FYCO1: variants seen among roughly 807,000 people sequenced by gnomAD.
FYCO1 encodes the protein FYVE and coiled-coil domain autophagy adaptor 1.
FYCO1 carries 122 observed loss-of-function variants against 165.1 expected under a neutral mutation model. That is an observed-to-expected ratio of 0.74 (90% CI 0.64 to 0.86). The LOEUF is 0.86. Among genes scored for constraint, FYCO1 ranks in the 40% least tolerant of loss-of-function variants. The probability of loss-of-function intolerance (pLI) is 0.00; values close to 1 mark genes in which losing one functional copy is unlikely to be tolerated. For synonymous variants in FYCO1, 648 were observed against 742.5 expected (o/e 0.87, Z 2.07); for missense variants, 1,702 against 1,810.3 (o/e 0.94, Z 1.09).
chr3:45,923,904 C>G (rs1229443551), intron 16 of FYCO1, 139 bp from the exon 17 acceptor site: 1 of 702,978 alleles, frequency 1.4e-6, no homozygotes, highest in Admixed American at 2.0e-5. Context: ...GGAGCTGTGA[C>G]CAGCCCCAGT....
At chr3:45,984,447 G>C in intron 2 of FYCO1, 1 of 353,442 alleles carries the variant, frequency 2.8e-6, no homozygotes, top group Non-Finnish European at 5.5e-6. Context: ...AGCAAAACAA[G>C]ATAGGTGGGT....
At chr3:45,994,895 AT>A (rs71619620) in intron 1 of FYCO1, among the ~76,000 whole-genome samples, 109 of 151,418 alleles carry the variant, frequency 7.2e-4, no homozygotes, top group African/African-American at 2.6e-3. Context: ...CAAGTGTTCT[AT>A]TTTTTTTTCT....
chr3:45,935,566 C>T (rs542466203), intron 15 of FYCO1, among the ~76,000 whole-genome samples: 8 of 152,282 alleles, frequency 5.3e-5, no homozygotes, highest in East Asian at 1.9e-4. Context: ...ATGCTATACC[C>T]GCAGATAGAT....
At chr3:45,986,002 G>T (rs943973098) in intron 1 of FYCO1, among the ~76,000 whole-genome samples, 1 of 152,214 alleles carries the variant, frequency 6.6e-6, no homozygotes, top group Non-Finnish European at 1.5e-5. Context: ...TTGCGTGCAG[G>T]GCTCTGTTAC....
At chr3:45,976,162 C>T (rs1186756763) in intron 4 of FYCO1, among the ~76,000 whole-genome samples, 1 of 152,256 alleles carries the variant, frequency 6.6e-6, no homozygotes, top group South Asian at 2.1e-4. Flanking sequence ...CATAGGAAGG[C>T]CCAGGTGCAG....
chr3:45,974,655 G>A (rs1559464051), intron 5 of FYCO1, among the ~76,000 whole-genome samples: 3 of 152,180 alleles, frequency 2.0e-5, no homozygotes, highest in Admixed American at 2.0e-4. Flanking sequence ...CTGATTTGCA[G>A]CTTCTAAGCT....
intron 6 of FYCO1, 68 bp from the exon 7 acceptor site, chr3:45,969,833 G>A: frequency 7.5e-7 from 1 of 1,331,292 alleles, no homozygotes; most frequent in Non-Finnish European, 1.1e-6. Context: ...GGCCTTGCTG[G>A]TCACTAGGCA....
Position 45,968,215 on chromosome 3 carries a change from G to A in FYCO1, c.1119C>T (p.Ala373=). 6.2e-7 allele frequency: 1 copy of A among 1,614,000 alleles called. No homozygotes were observed. Among genetic ancestry groups the A allele is most frequent in the Non-Finnish European group, 8.5e-7 (1 of 1,180,036 alleles). ...QHLASFPGWL[A]MAQQKADTAS... ...CCGTATCTGCCTTCTGCTGAGCCAT[G>A]GCTAGCCAGCCTGGGAAGCTGGCTA... The change falls in exon 8 of 18, where the codon GCC becomes GCT. Residue 373 remains alanine, a synonymous_variant. Coordinates refer to ENST00000296137, the MANE Select transcript of FYCO1 (RefSeq NM_024513.4).
intron 14 of FYCO1, 66 bp from the exon 15 acceptor site, chr3:45,936,609 T>A (rs1703906321): frequency 8.5e-7 from 1 of 1,176,972 alleles, no homozygotes; most frequent in Admixed American, 1.7e-5. Flanking sequence ...CATCCTGGGG[T>A]CCGCAGTCTT....
chr3:45,969,872 C>T (rs1300906428), intron 6 of FYCO1, 107 bp from the exon 7 acceptor site: 4 of 782,774 alleles, frequency 5.1e-6, no homozygotes, highest in Non-Finnish European at 8.4e-6. Context: ...GCTGCCTTCC[C>T]AGGTAGAATG....
intron 14 of FYCO1, among the ~76,000 whole-genome samples, chr3:45,941,682 CCATATTGA>C (rs1318281817): frequency 6.6e-6 from 1 of 152,220 alleles, no homozygotes; most frequent in Non-Finnish European, 1.5e-5. Flanking sequence ...ACACATATCC[CCATATTGA>C]CATGTACACA....
chr3:45,925,210 G>A (rs551469333), intron 16 of FYCO1, among the ~76,000 whole-genome samples: 2 of 150,348 alleles, frequency 1.3e-5, no homozygotes, highest in East Asian at 1.9e-4. Context: ...TTACAGGCGT[G>A]AGCCACGGCG....
In FYCO1 at chr3:45,958,487, A is replaced by T. The variant is rs991131232; in HGVS notation, c.3720T>A (p.Ser1240Arg). Reference sequence around the variant, plus strand: ...GCTCTCCCTGGCTAGTGCCTGAGCCACTGCTATCAGGGGAGCCAGGGCCTT... The same window carrying T: ...GCTCTCCCTGGCTAGTGCCTGAGCCTCTGCTATCAGGGGAGCCAGGGCCTT... ...LSEGPGSPDS[S>R]GSGTSQGEPS... The change falls in exon 13 of 18, where the codon AGT becomes AGA. Residue 1240 changes from serine (S) to arginine (R), a missense_variant. Coordinates refer to ENST00000296137, the MANE Select transcript of FYCO1 (RefSeq NM_024513.4). 2.1e-5 allele frequency: 34 copies of T among 1,613,954 alleles called. No individual in the cohort carries two copies. Among genetic ancestry groups the T allele is most frequent in the Non-Finnish European group, 2.6e-5 (31 of 1,180,038 alleles).
chr3:45,947,631 T>C lies in FYCO1; in HGVS notation c.3944+7618A>G, dbSNP rs2234359. ...TTCTCATGGAGAAGTTATCAGACAC[T>C]CTGGCTGGTTTGGAATGCTTCTTCT... On this transcript the variant is annotated intron_variant, in intron 14 of 17. Transcript: ENST00000296137. 8,073 of 760,072 alleles carry C rather than the reference T, an allele frequency of 0.011. 445 individuals are homozygous for C. The African/African-American group carries it at 0.11, about 11-fold the overall frequency. The allele number at this position is 760,072 out of a possible 1,614,324, so 47.1% of individuals were successfully genotyped here.
In FYCO1 at chr3:45,947,019, T is replaced by C. The variant is rs1559449498; in HGVS notation, c.3944+8230A>G. 5 of 1,614,248 alleles carry C rather than the reference T, an allele frequency of 3.1e-6. No individual in the cohort carries two copies. In the East Asian group the frequency reaches 1.1e-4, roughly 36 times the overall value. ...TGTCTTTAATCTCGACAAGCTCATATGTGGTTACCATGACGAGGCAATTTC... is the reference window on the plus strand; with the variant it reads ...TGTCTTTAATCTCGACAAGCTCATACGTGGTTACCATGACGAGGCAATTTC... On this transcript the variant is annotated intron_variant, in intron 14 of 17. Coordinates refer to ENST00000296137, the MANE Select transcript of FYCO1 (RefSeq NM_024513.4).
chr3:45,992,253 T>C (rs1360535112), intron 1 of FYCO1, among the ~76,000 whole-genome samples: 1 of 152,024 alleles, frequency 6.6e-6, no homozygotes, highest in Non-Finnish European at 1.5e-5. Context: ...GAGGTGCTGG[T>C]GGGCCTGGGT....
intron 1 of FYCO1, among the ~76,000 whole-genome samples, chr3:45,986,637 G>A (rs1313839497): frequency 6.6e-6 from 1 of 152,180 alleles, no homozygotes; most frequent in Admixed American, 6.5e-5. Flanking sequence ...GAGTCCCAGA[G>A]AGAAGAGCTT....
intron 1 of FYCO1, among the ~76,000 whole-genome samples, chr3:45,990,938 A>AT (rs200206941): frequency 1.7e-4 from 26 of 150,888 alleles, no homozygotes; most frequent in Non-Finnish European, 3.0e-4. Flanking sequence ...ACGACTGGCA[A>AT]TTTTTTTTTT....
At chr3:45,947,210 C>T (rs1360534870) in intron 14 of FYCO1, 1 of 1,614,090 alleles carries the variant, frequency 6.2e-7, no homozygotes, top group African/African-American at 1.3e-5. Context: ...TCCTGCTGAC[C>T]CAGATGCCCT....
Sources: gnomAD v4.1 joint callset for allele counts (sites outside exome capture counted in the v4.1 genomes callset) on GRCh38, gnomAD v4.1.1 for gene constraint, MANE v1.5 for transcripts, NCBI Gene and HGNC (gene_info 2026-07-23, HGNC 2026-07-21) for gene names.